RYR1: variants seen among roughly 807,000 people sequenced by gnomAD.
RYR1 encodes the protein central core disease of muscle.
A neutral mutation model predicts 583.5 loss-of-function variants in RYR1; 342 were observed. The observed-to-expected ratio is 0.59, with a 90% CI of 0.54 to 0.64. RYR1 has a LOEUF of 0.64. RYR1 is among the 30% of genes least tolerant of loss of function. The pLI is 0.00. For synonymous variants in RYR1, 2,791 were observed against 2,822.5 expected, an observed-to-expected ratio of 0.99 and a Z score of 0.35; for missense variants, 6,032 against 6,917.2, an observed-to-expected ratio of 0.87 and a Z score of 4.54.
chr19:38,536,902 AG>A, intron 83 of RYR1, 135 bp downstream of exon 83: 1 of 896,332 alleles, frequency 1.1e-6, no homozygotes, highest in Non-Finnish European at 1.8e-6. Context: ...GCACCCTGCC[AG>A]TGCAAAACCT....
chr19:38,461,191 G>A (rs1237767552), intron 20 of RYR1, among the ~76,000 whole-genome samples: 1 of 152,002 alleles, frequency 6.6e-6, no homozygotes, highest in South Asian at 2.1e-4. Flanking sequence ...AACATTTTGG[G>A]AAGCCGAAGT....
intron 29 of RYR1, among the ~76,000 whole-genome samples, chr19:38,476,195 G>A (rs1968715279): frequency 6.6e-6 from 1 of 151,168 alleles, no homozygotes; most frequent in African/African-American, 2.4e-5. Context: ...GCTAATTTTT[G>A]TTTTCTGTTT....
At chr19:38,533,903 G>A (rs1418295117) in intron 78 of RYR1, among the ~76,000 whole-genome samples, 1 of 151,938 alleles carries the variant, frequency 6.6e-6, no homozygotes, top group Admixed American at 6.6e-5. Flanking sequence ...CTCTCTTCCT[G>A]GACCAAAAGA....
rs181968345 is a variant in RYR1, at chr19:38,548,325, A to G, written c.12187A>G (p.Met4063Val). The G allele has an allele frequency of 4.3e-5, 69 of 1,614,218 alleles. No individual in the cohort carries two copies. The highest frequency in any genetic ancestry group is 5.3e-5 in the Non-Finnish European group (63 of 1,180,026). Residue 4063 changes from methionine (M) to valine (V), a missense_variant, in exon 89 of 106, where the codon ATG (methionine) becomes GTG (valine). Around this residue, in one of 11 missense-constraint regions of RYR1, gnomAD observed 753 missense variants for 759.6 expected, o/e 0.99. Coordinates refer to ENST00000359596, the MANE Select transcript of RYR1 (RefSeq NM_000540.3). Reference sequence around the variant, plus strand: ...GGAGATGATCCTCAAGTTCTTCGACATGTTCCTGAAACTCAAGGACATTGT... The same window carrying G: ...GGAGATGATCCTCAAGTTCTTCGACGTGTTCCTGAAACTCAAGGACATTGT... The part of the protein sequence containing the change: ...NVEMILKFFD[M>V]FLKLKDIVGS...
In RYR1 at chr19:38,566,433, A is replaced by C. The variant is rs542847277; in HGVS notation, c.13438-478A>C. Among the ~76,000 whole-genome samples, 289 of 125,282 alleles carry C rather than the reference A, an allele frequency of 2.3e-3. 7 individuals are homozygous for C. In the Admixed American group the frequency reaches 0.027, roughly 12 times the overall value. 82.2% of individuals were successfully genotyped at this position (125,282 alleles called of 152,430 possible). On this transcript the variant is annotated intron_variant, in intron 91 of 105. Transcript: ENST00000359596. ...CACTGCACTCCAGCCTGGGCGACAG[A>C]GCGAGACTCTGTCTCAAAAAAAAAA...
rs1211886095 is a variant in RYR1, at chr19:38,565,231, G to T, written c.12897G>T (p.Ala4299=). 2.6e-5 allele frequency: 26 copies of T among 989,178 alleles called. No homozygotes were observed. The highest frequency in any genetic ancestry group is 1.4e-4 in the South Asian group (3 of 22,164). 61.3% of individuals were successfully genotyped at this position (989,178 alleles called of 1,614,324 possible). The change falls in exon 91 of 106, where the codon GCG becomes GCT. Residue 4299 remains alanine (A), a synonymous_variant. Transcript: ENST00000359596. This position sits in a 1 kb window ranked among gnomAD's most constrained non-coding sequence, Gnocchi z 4.7. ...CGGGGGCGACGGCGCGGGTTGTGGC[G>T]GCCGCAGGCCGGGCCCTGCGAGGCC... ...AAAGATARVV[A]AAGRALRGLS...
At position 38,444,146 on chromosome 19, in the gene RYR1, T is replaced by A. The variant is rs780852727; in HGVS notation, c.425-3T>A. The A allele has an allele frequency of 6.2e-7, 1 of 1,612,710 alleles. No homozygotes were observed. The highest frequency in any genetic ancestry group is 1.1e-5 in the South Asian group (1 of 91,044). ...GCCACCCCCATTCCATCCCCACCCA[T>A]AGGAGAGGCTTGCTGGTGGACCATG... On this transcript the variant is annotated splice_polypyrimidine_tract_variant and splice_region_variant and intron_variant, in intron 5 of 105. Transcript: ENST00000359596. This position sits in a 1 kb window ranked among gnomAD's most constrained non-coding sequence, Gnocchi z 5.1.
chr19:38,452,217 G>A (rs891845939), intron 12 of RYR1, among the ~76,000 whole-genome samples: 5 of 150,944 alleles, frequency 3.3e-5, no homozygotes, highest in African/African-American at 1.2e-4. Context: ...CGGGCAGATC[G>A]CTTGAGCCCA....
rs771320029 is a variant in RYR1, at chr19:38,527,047, G to A, written c.10681G>A (p.Gly3561Arg). 1.4e-5 allele frequency: 23 copies of A among 1,613,776 alleles called. No individual in the cohort carries two copies. Among genetic ancestry groups the A allele is most frequent in the Admixed American group, 5.0e-5 (3 of 59,982 alleles). The change falls in exon 72 of 106, where the codon GGA becomes AGA. Residue 3561 changes from glycine to arginine, a missense_variant. By Grantham distance (125) the Gly-to-Arg change is moderately radical (BLOSUM62 -2). This residue lies in a region of RYR1 where 1,493 missense variants were observed against 1,715.5 expected (regional missense o/e 0.87). Transcript: ENST00000359596. ...EFLHNNLHLQ[G>R]KVEGSPSLRW... is the part of the protein sequence containing the mutation. ...TCTGCACAACAACCTTCACCTTCAG[G>A]GAAAGGTATGCCTCCTTCCTCTGCA...
In RYR1 at chr19:38,517,704, G is replaced by A. The variant is rs946973081; in HGVS notation, c.10018+13G>A. The A allele has an allele frequency of 1.9e-6, 3 of 1,613,318 alleles. No individual in the cohort carries two copies. Among genetic ancestry groups the A allele is most frequent in the Non-Finnish European group, 2.5e-6 (3 of 1,179,278 alleles). The stretch of plus-strand genomic sequence containing the variant: ...AAGCGGCTGGCTGGTGGGTCGGGGG[G>A]CACTGGGCCTCTGAGGGGTGGGTCA... On this transcript the variant is annotated intron_variant, in intron 66 of 105. Transcript: ENST00000359596.
Position 38,525,424 on chromosome 19 carries a change from G to A in RYR1, c.10548G>A (p.Lys3516=), listed in dbSNP as rs754753605. Residue 3516 remains lysine, a synonymous_variant, in exon 71 of 106, where the codon AAG becomes AAA. Transcript: ENST00000359596. The part of the protein sequence containing the change: ...QTSLIVATLK[K]MLPIGLNMCA... Reference sequence around the variant, plus strand: ...CACTGATCGTGGCCACACTGAAGAAGATGCTGCCCATCGGCCTGAATATGT... The same window carrying A: ...CACTGATCGTGGCCACACTGAAGAAAATGCTGCCCATCGGCCTGAATATGT... The A allele has an allele frequency of 1.2e-6, 2 of 1,614,030 alleles. No individual in the cohort carries two copies. The highest frequency in any genetic ancestry group is 4.5e-5 in the East Asian group (2 of 44,874).
At chr19:38,566,837 A>T (rs989600326) in intron 91 of RYR1, 74 bp from the exon 92 acceptor site, 1 of 1,550,428 alleles carries the variant, frequency 6.4e-7, no homozygotes, top group Non-Finnish European at 8.7e-7. Flanking sequence ...GAGAAAGGAG[A>T]TGAGAGGAGC....
chr19:38,455,088 G>T, intron 13 of RYR1, 147 bp from the exon 14 acceptor site: 1 of 908,770 alleles, frequency 1.1e-6, no homozygotes, highest in East Asian at 2.5e-5. Flanking sequence ...GGGACTGATT[G>T]GGAATATGAA....
Position 38,512,415 on chromosome 19 carries a change from C to T in RYR1, c.9404C>T (p.Ala3135Val). ...CAGAACCTCACCTACACCACTGTGG[C>T]ACTGCTGCCGGTCCTCACCACCCTC... is the stretch of plus-strand genomic sequence containing the variant. ...VGQNLTYTTV[A>V]LLPVLTTLFQ... Residue 3135 changes from alanine to valine, a missense_variant, in exon 63 of 106, where the codon GCA becomes GTA. Physicochemically the swap from Ala to Val is moderately conservative, Grantham distance 64. This residue lies in a region of RYR1 where 1,493 missense variants were observed against 1,715.5 expected (regional missense o/e 0.87). Coordinates refer to ENST00000359596, the MANE Select transcript of RYR1 (RefSeq NM_000540.3). The surrounding 1 kb of genome is among the most constrained non-coding windows in gnomAD (Gnocchi z 5.1). 1.2e-6 allele frequency: 2 copies of T among 1,613,876 alleles called. No individual in the cohort carries two copies. The highest frequency in any genetic ancestry group is 1.7e-6 in the Non-Finnish European group (2 of 1,180,042).
intron 66 of RYR1, 100 bp downstream of exon 66, chr19:38,517,791 GA>G: frequency 8.5e-7 from 1 of 1,180,188 alleles, no homozygotes; most frequent in Non-Finnish European, 1.2e-6. Context: ...TCGGAGTTGG[GA>G]GGAGTCAGAG....
At chr19:38,491,706 G>A (rs1969558918) in intron 37 of RYR1, among the ~76,000 whole-genome samples, 1 of 152,110 alleles carries the variant, frequency 6.6e-6, no homozygotes, top group Non-Finnish European at 1.5e-5. Flanking sequence ...CTGGATTACA[G>A]GTGTGAGCCA....
Position 38,537,980 on chromosome 19 carries a change from G to A in RYR1, c.11689+20G>A. 1 of 1,591,456 alleles carries A rather than the reference G, an allele frequency of 6.3e-7. No individual in the cohort carries two copies. Among genetic ancestry groups the A allele is most frequent in the Non-Finnish European group, 8.6e-7 (1 of 1,159,770 alleles). ...ATAATGGTGAGGAGGAGGGGTGTGGGGTGGAGGGGAAGCCGAGGTTTGGGG... is the reference window on the plus strand; with the variant it reads ...ATAATGGTGAGGAGGAGGGGTGTGGAGTGGAGGGGAAGCCGAGGTTTGGGG... On this transcript the variant is annotated intron_variant, in intron 84 of 105. Transcript: ENST00000359596.
chr19:38,507,041 C>T (rs1970489002), intron 57 of RYR1, 89 bp downstream of exon 57: 5 of 1,585,822 alleles, frequency 3.2e-6, no homozygotes, highest in Middle Eastern at 2.3e-4. Context: ...GGGGTGGAGC[C>T]GAGAGGAACG....
At position 38,517,574 on chromosome 19, in the gene RYR1, C is replaced by A. The variant is rs778961580; in HGVS notation, c.9901C>A (p.Pro3301Thr). 11 of 1,613,960 alleles carry A rather than the reference C, an allele frequency of 6.8e-6. No homozygotes were observed. Among genetic ancestry groups the A allele is most frequent in the Admixed American group, 6.7e-5 (4 of 60,024 alleles). Residue 3301 changes from proline to threonine, a missense_variant, in exon 66 of 106, where the codon CCC becomes ACC. By Grantham distance (38) the Pro-to-Thr change is conservative. Coordinates refer to ENST00000359596, the MANE Select transcript of RYR1 (RefSeq NM_000540.3). The part of the protein sequence containing the change: ...APPSALPAGA[P>T]PPCTAVTSDH... ...CCCTTCCGCCCTGCCCGCCGGCGCC[C>A]CCCCACCCTGCACAGCTGTCACCTC... is the stretch of plus-strand genomic sequence containing the variant.
Sources: allele counts gnomAD v4.1 joint callset (sites outside exome capture counted in the v4.1 genomes callset), GRCh38; gene constraint gnomAD v4.1.1; regional missense constraint gnomAD v4.1.1; non-coding constraint Gnocchi (gnomAD v3.1); transcripts MANE v1.5; gene names NCBI Gene and HGNC (gene_info 2026-07-23, HGNC 2026-07-21).